Variants in LDLRAD4 observed in about 807,000 individuals in gnomAD.
LDLRAD4 encodes the protein low-density lipoprotein receptor class A domain-containing protein 4.
A neutral mutation model predicts 17.0 loss-of-function variants in LDLRAD4; 5 were observed. The ratio of observed to expected loss-of-function variants is 0.29; its 90% CI spans 0.15 to 0.62. The LOEUF (loss-of-function observed/expected upper bound fraction) is 0.62, where lower values mean the gene tolerates loss of function less well. Ranked by LOEUF, LDLRAD4 falls within the 20% of genes least tolerant of loss-of-function variation. The pLI is 0.84. For missense variants in LDLRAD4, 340 were observed against 424.7 expected (o/e 0.80, Z 1.75); for synonymous variants, 168 against 171.8 (o/e 0.98, Z 0.17).
intron 2 of LDLRAD4, among the ~76,000 whole-genome samples, chr18:13,411,606 C>A (rs1159791091): frequency 2.6e-5 from 4 of 152,130 alleles, no homozygotes; most frequent in African/African-American, 9.7e-5. Context: ...AAGGGCAGTT[C>A]CCCTGCACAC....
intron 1 of LDLRAD4, among the ~76,000 whole-genome samples, chr18:13,337,740 T>A (rs28431993): frequency 7.7e-4 from 105 of 135,686 alleles, no homozygotes; most frequent in African/African-American, 1.8e-3. Flanking sequence ...TTACAAAAAG[T>A]AAAAAAAAAA....
Position 13,571,238 on chromosome 18 carries a change from A to G in LDLRAD4, c.182-49879A>G, listed in dbSNP as rs571113248. Among the ~76,000 whole-genome samples the G allele has an allele frequency of 3.9e-5, 6 of 152,308 alleles. No individual in the cohort carries two copies. In the East Asian group the frequency reaches 1.2e-3, roughly 29 times the overall value. Reference sequence around the variant, plus strand: ...CAGATGTTTCCATTTGCAAATGTGTAAGTACGCTGTCTATGATCACTGAAG... The same window carrying G: ...CAGATGTTTCCATTTGCAAATGTGTGAGTACGCTGTCTATGATCACTGAAG... On this transcript the variant is annotated intron_variant, in intron 3 of 5. Coordinates refer to ENST00000359446, the Ensembl canonical transcript of LDLRAD4.
chr18:13,559,516 GGTAT>G (rs1207272450), intron 3 of LDLRAD4, among the ~76,000 whole-genome samples: 1 of 151,906 alleles, frequency 6.6e-6, no homozygotes, highest in African/African-American at 2.4e-5. Context: ...AATTTATATG[GGTAT>G]GTATCATATA....
chr18:13,638,849 C>T (rs2042291356), intron 4 of LDLRAD4, among the ~76,000 whole-genome samples: 1 of 152,190 alleles, frequency 6.6e-6, no homozygotes, highest in Non-Finnish European at 1.5e-5. Flanking sequence ...CCCTTGGGGA[C>T]ATGCAGCACC....
chr18:13,407,558 A>G (rs2087882066), intron 2 of LDLRAD4, among the ~76,000 whole-genome samples: 1 of 152,244 alleles, frequency 6.6e-6, no homozygotes, highest in Non-Finnish European at 1.5e-5. Context: ...TCTAATTTGT[A>G]CCAAGGTTAC....
At chr18:13,586,678 G>A (rs1320426653) in intron 3 of LDLRAD4, among the ~76,000 whole-genome samples, 1 of 151,680 alleles carries the variant, frequency 6.6e-6, no homozygotes, top group African/African-American at 2.4e-5. Context: ...CTTAAGGTCA[G>A]AAGTTTGAGA....
intron 1 of LDLRAD4, among the ~76,000 whole-genome samples, chr18:13,225,578 C>A (rs1247623931): frequency 6.6e-6 from 1 of 152,226 alleles, no homozygotes; most frequent in Non-Finnish European, 1.5e-5. Context: ...ATTGTCATGA[C>A]CCAAGGTGCA....
chr18:13,347,901 G>A (rs1390661313), intron 1 of LDLRAD4, among the ~76,000 whole-genome samples: 4 of 152,080 alleles, frequency 2.6e-5, no homozygotes, highest in African/African-American at 4.8e-5. Context: ...CATAGTTCTC[G>A]TGCCATGGTT....
intron 1 of LDLRAD4, among the ~76,000 whole-genome samples, chr18:13,313,006 C>G (rs2080732871): frequency 6.6e-6 from 1 of 152,052 alleles, no homozygotes; most frequent in Non-Finnish European, 1.5e-5. Context: ...TCTTCTTTAC[C>G]TTTTGCCTGG....
chr18:13,220,535 T>G (rs1223606036), intron 1 of LDLRAD4, among the ~76,000 whole-genome samples: 1 of 152,218 alleles, frequency 6.6e-6, no homozygotes, highest in Non-Finnish European at 1.5e-5. Context: ...GTTGGCACAT[T>G]ATTTGAGACT....
At chr18:13,443,559 G>A (rs948116786) in intron 3 of LDLRAD4, among the ~76,000 whole-genome samples, 12 of 152,036 alleles carry the variant, frequency 7.9e-5, no homozygotes, top group Admixed American at 1.3e-4. Context: ...CATGTGTTTC[G>A]GTTTGTTCTG....
intron 1 of LDLRAD4, among the ~76,000 whole-genome samples, chr18:13,329,453 T>G (rs918004232): frequency 1.3e-5 from 2 of 152,236 alleles, no homozygotes; most frequent in Non-Finnish European, 2.9e-5. Context: ...TTTCATTTTC[T>G]TTTACTGTCT....
chr18:13,222,400 G>A (rs894419152), intron 1 of LDLRAD4, among the ~76,000 whole-genome samples: 1 of 151,680 alleles, frequency 6.6e-6, no homozygotes, highest in Non-Finnish European at 1.5e-5. Context: ...TTTATTGTCT[G>A]CTGGAAAAAG....
At chr18:13,232,505 G>A (rs936685835) in intron 1 of LDLRAD4, among the ~76,000 whole-genome samples, 3 of 150,168 alleles carry the variant, frequency 2.0e-5, no homozygotes, top group Non-Finnish European at 4.4e-5. Flanking sequence ...GCCCCGTGCT[G>A]TGCTCCACAA....
chr18:13,634,701 A>G (rs1185112888), intron 4 of LDLRAD4, among the ~76,000 whole-genome samples: 1 of 152,136 alleles, frequency 6.6e-6, no homozygotes, highest in Non-Finnish European at 1.5e-5. Context: ...GGCTTTTTGC[A>G]GAAATAGGAA....
chr18:13,568,746 A>C (rs2094641933), intron 3 of LDLRAD4, among the ~76,000 whole-genome samples: 1 of 152,234 alleles, frequency 6.6e-6, no homozygotes. Context: ...TCTGTATCAC[A>C]GTAGACAGAC....
At chr18:13,617,707 A>G (rs2040217088) in intron 3 of LDLRAD4, among the ~76,000 whole-genome samples, 1 of 152,264 alleles carries the variant, frequency 6.6e-6, no homozygotes, top group African/African-American at 2.4e-5. Flanking sequence ...CAATATGATT[A>G]TGAAAAAGAG....
chr18:13,568,838 G>A (rs545962847), intron 3 of LDLRAD4, among the ~76,000 whole-genome samples: 1 of 152,246 alleles, frequency 6.6e-6, no homozygotes, highest in East Asian at 1.9e-4. Context: ...TTATAACATA[G>A]CCAAGCGTGC....
In LDLRAD4 at chr18:13,263,561, A is replaced by C. The variant is rs192398149; in HGVS notation, c.-466-14544A>C. Among the ~76,000 whole-genome samples, 1,058 of 152,326 alleles carry C rather than the reference A, an allele frequency of 6.9e-3. 17 individuals carry two copies. Among genetic ancestry groups the C allele is most frequent in the African/African-American group, 0.024 (985 of 41,560 alleles). Reference sequence around the variant, plus strand: ...GGGCACCTGGCACCTTATCTGGGCCAGCTGGCCTGGGTTCGAGTCCCAGCT... The same window carrying C: ...GGGCACCTGGCACCTTATCTGGGCCCGCTGGCCTGGGTTCGAGTCCCAGCT... On this transcript the variant is annotated intron_variant, in intron 1 of 5. Transcript: ENST00000399848.
Sources: gnomAD v4.1 joint callset for allele counts (sites outside exome capture counted in the v4.1 genomes callset) on GRCh38, gnomAD v4.1.1 for gene constraint, MANE v1.5 for transcripts, NCBI Gene and HGNC (gene_info 2026-07-23, HGNC 2026-07-21) for gene names.